The following TRPM3 variants were observed in gnomAD, a reference collection of about 807,000 sequenced individuals.
TRPM3 encodes the protein long transient receptor potential channel 3.
Under a neutral mutation model 181.2 loss-of-function variants are expected in TRPM3, and 77 were observed. The ratio of observed to expected loss-of-function variants is 0.42; its 90% CI spans 0.35 to 0.51. The LOEUF (loss-of-function observed/expected upper bound fraction) is 0.51, where lower values mean the gene tolerates loss of function less well. Ranked by LOEUF, TRPM3 falls within the 20% of genes least tolerant of loss-of-function variation. The pLI is 0.01. For missense variants in TRPM3, 1,759 were observed against 2,196.7 expected (o/e 0.80, Z 3.98); for synonymous variants, 745 against 796.4 (o/e 0.94, Z 1.09).
intron 1 of TRPM3, among the ~76,000 whole-genome samples, chr9:71,114,913 G>A (rs904641632): frequency 2.6e-5 from 4 of 152,034 alleles, no homozygotes; most frequent in Non-Finnish European, 4.4e-5. Context: ...TTCACATCAC[G>A]TGACTAAAAA....
intron 1 of TRPM3, among the ~76,000 whole-genome samples, chr9:71,353,512 G>A (rs1037261952): frequency 6.6e-6 from 1 of 152,258 alleles, no homozygotes; most frequent in Non-Finnish European, 1.5e-5. Flanking sequence ...GCAATCAACA[G>A]TCAGGGCATC....
intron 1 of TRPM3, among the ~76,000 whole-genome samples, chr9:71,091,006 T>C (rs1443548319): frequency 6.6e-6 from 1 of 152,142 alleles, no homozygotes; most frequent in South Asian, 2.1e-4. Context: ...CATTTATTTT[T>C]AACAGGCTTC....
intron 1 of TRPM3, among the ~76,000 whole-genome samples, chr9:71,306,703 G>A (rs764028760): frequency 2.0e-4 from 31 of 152,064 alleles, no homozygotes; most frequent in Admixed American, 3.9e-4. Flanking sequence ...ATGAAACCCT[G>A]TCTCTACTAA....
At chr9:70,800,021 G>C (rs1344764841) in intron 6 of TRPM3, among the ~76,000 whole-genome samples, 1 of 152,192 alleles carries the variant, frequency 6.6e-6, no homozygotes, top group East Asian at 1.9e-4. Context: ...AGTCATTTCT[G>C]TTTCTGACAT....
intron 21 of TRPM3, among the ~76,000 whole-genome samples, 194 bp from the exon 22 acceptor site, chr9:70,591,399 A>G (rs1244870986): frequency 6.6e-6 from 1 of 152,170 alleles, no homozygotes; most frequent in Non-Finnish European, 1.5e-5. Flanking sequence ...ACAGAATTCT[A>G]TCAGTGACTC....
At chr9:70,748,439 T>A (rs963881729) in intron 8 of TRPM3, among the ~76,000 whole-genome samples, 11 of 152,198 alleles carry the variant, frequency 7.2e-5, no homozygotes, top group Non-Finnish European at 1.5e-4. Context: ...CTCCTCAAAG[T>A]ACTTCTTCTC....
intron 1 of TRPM3, among the ~76,000 whole-genome samples, chr9:70,975,256 TC>T (rs2097291709): frequency 6.6e-6 from 1 of 152,158 alleles, no homozygotes; most frequent in South Asian, 2.1e-4. Context: ...GTTAGTCCTA[TC>T]TTCAAATTAT....
intron 1 of TRPM3, among the ~76,000 whole-genome samples, chr9:70,995,191 G>A (rs2097530447): frequency 6.6e-6 from 1 of 152,158 alleles, no homozygotes; most frequent in African/African-American, 2.4e-5. Context: ...TATAACACGT[G>A]GGTGCTGACT....
At chr9:70,984,564 C>G (rs1431774766) in intron 1 of TRPM3, among the ~76,000 whole-genome samples, 1 of 152,162 alleles carries the variant, frequency 6.6e-6, no homozygotes, top group Admixed American at 6.5e-5. Flanking sequence ...CTGGGATTAG[C>G]AGGTGAAATG....
intron 1 of TRPM3, among the ~76,000 whole-genome samples, chr9:71,194,743 G>T (rs1332195867): frequency 6.6e-6 from 1 of 151,470 alleles, no homozygotes; most frequent in African/African-American, 2.4e-5. Flanking sequence ...TAAACAACTG[G>T]TTCCACTACA....
chr9:71,312,364 T>C (rs978776846), intron 1 of TRPM3, among the ~76,000 whole-genome samples: 15 of 152,018 alleles, frequency 9.9e-5, no homozygotes, highest in African/African-American at 3.6e-4. Context: ...TTACTGCATA[T>C]CTATTAAAAT....
chr9:70,764,728 G>A (rs1319595110), intron 7 of TRPM3, among the ~76,000 whole-genome samples: 1 of 152,070 alleles, frequency 6.6e-6, no homozygotes, highest in Non-Finnish European at 1.5e-5. Context: ...GTGGAACAAA[G>A]GTGATTTGAT....
intron 1 of TRPM3, among the ~76,000 whole-genome samples, chr9:70,889,266 G>A (rs1449177056): frequency 6.6e-6 from 1 of 152,164 alleles, no homozygotes; most frequent in Non-Finnish European, 1.5e-5. Context: ...ACATAGCCAG[G>A]AAACTGCTGC....
At chr9:71,096,590 ACTCTCTCTCT>A (rs71367255) in intron 1 of TRPM3, among the ~76,000 whole-genome samples, 2 of 90,042 alleles carry the variant, frequency 2.2e-5, no homozygotes, top group Admixed American at 1.4e-4. Flanking sequence ...ACACACACAC[ACTCTCTCTCT>A]CTCTCTCTCT....
intron 1 of TRPM3, among the ~76,000 whole-genome samples, chr9:71,239,058 T>C (rs980033794): frequency 6.6e-6 from 1 of 152,052 alleles, no homozygotes; most frequent in African/African-American, 2.4e-5. Context: ...CCCTACCTCC[T>C]TCCCTTGAAG....
At chr9:70,946,459 AAT>A (rs779351426) in intron 1 of TRPM3, among the ~76,000 whole-genome samples, 4,735 of 151,658 alleles carry the variant, frequency 0.031, 270 homozygotes, top group African/African-American at 0.11. Flanking sequence ...TAATAATAAT[AAT>A]AACAGCAGCA....
chr9:71,102,544 G>A (rs572291167), intron 1 of TRPM3, among the ~76,000 whole-genome samples: 128 of 152,242 alleles, frequency 8.4e-4, no homozygotes, highest in African/African-American at 2.9e-3. Context: ...AACATGCCAT[G>A]CTTCTTCACA....
intron 1 of TRPM3, among the ~76,000 whole-genome samples, chr9:71,103,785 A>G (rs1051618119): frequency 6.6e-6 from 1 of 152,206 alleles, no homozygotes; most frequent in African/African-American, 2.4e-5. Context: ...ACGTACCTGG[A>G]ACATTTTTTT....
At chr9:70,823,255 A>G (rs2093327861) in intron 6 of TRPM3, among the ~76,000 whole-genome samples, 1 of 152,170 alleles carries the variant, frequency 6.6e-6, no homozygotes, top group Non-Finnish European at 1.5e-5. Flanking sequence ...AGCCTCCTGA[A>G]GGCATTTCCT....
Sources: gnomAD v4.1 joint callset for allele counts (sites outside exome capture counted in the v4.1 genomes callset) on GRCh38, gnomAD v4.1.1 for gene constraint, MANE v1.5 for transcripts, NCBI Gene and HGNC (gene_info 2026-07-23, HGNC 2026-07-21) for gene names.